The following CCDC85A variants were observed in gnomAD, a reference collection of about 807,000 sequenced individuals.
The protein encoded by CCDC85A is coiled-coil domain containing 85A, also known as coiled-coil domain-containing protein 85A.
Under a neutral mutation model 50.2 loss-of-function variants are expected in CCDC85A, and 38 were observed. The ratio of observed to expected loss-of-function variants is 0.76; its 90% CI spans 0.58 to 0.99. The LOEUF (loss-of-function observed/expected upper bound fraction) is 0.99, where lower values mean the gene tolerates loss of function less well. Ranked by LOEUF, CCDC85A falls within the 50% of genes least tolerant of loss-of-function variation. The probability of loss-of-function intolerance (pLI) is 0.00; values close to 1 mark genes in which losing one functional copy is unlikely to be tolerated. For synonymous variants in CCDC85A, 366 were observed against 301.4 expected, an observed-to-expected ratio of 1.21 and a Z score of -2.22; for missense variants, 820 against 742.0, an observed-to-expected ratio of 1.11 and a Z score of -1.22.
chr2:56,257,730 T>C (rs140656892), intron 2 of CCDC85A, among the ~76,000 whole-genome samples: 2 of 152,236 alleles, frequency 1.3e-5, no homozygotes, highest in East Asian at 3.9e-4. Flanking sequence ...AGAGAACAGA[T>C]ACTGAAGGCA....
chr2:56,216,662 A>G (rs140589582), intron 2 of CCDC85A, among the ~76,000 whole-genome samples: 136 of 148,108 alleles, frequency 9.2e-4, no homozygotes, highest in African/African-American at 2.9e-3. Context: ...TCTCCTTCTA[A>G]TATGTTTTTC....
chr2:56,268,425 C>T (rs150555282), intron 2 of CCDC85A, among the ~76,000 whole-genome samples: 1 of 151,838 alleles, frequency 6.6e-6, no homozygotes, highest in African/African-American at 2.4e-5. Flanking sequence ...GAAACCCTGT[C>T]TCTACTAAAA....
chr2:56,298,575 G>A (rs1318785414), intron 2 of CCDC85A, among the ~76,000 whole-genome samples: 1 of 152,152 alleles, frequency 6.6e-6, no homozygotes, highest in African/African-American at 2.4e-5. Flanking sequence ...TGCATTTCCT[G>A]AGGATTTGAT....
intron 5 of CCDC85A, among the ~76,000 whole-genome samples, chr2:56,376,591 T>C (rs530302605): frequency 1.3e-5 from 2 of 152,242 alleles, no homozygotes; most frequent in African/African-American, 4.8e-5. Context: ...AGCTTTCCAA[T>C]AAGTAAAACT....
chr2:56,382,399 A>T (rs1287328542), intron 5 of CCDC85A, among the ~76,000 whole-genome samples: 1 of 152,018 alleles, frequency 6.6e-6, no homozygotes, highest in African/African-American at 2.4e-5. Context: ...CTACACAGCG[A>T]AAAGGTTATT....
intron 2 of CCDC85A, among the ~76,000 whole-genome samples, chr2:56,278,332 A>G (rs1336846226): frequency 1.3e-5 from 2 of 151,702 alleles, no homozygotes; most frequent in Non-Finnish European, 2.9e-5. Context: ...GGTTTTATTT[A>G]TTCTTCATTA....
chr2:56,250,882 C>CT (rs961261413), intron 2 of CCDC85A, among the ~76,000 whole-genome samples: 6 of 152,194 alleles, frequency 3.9e-5, no homozygotes, highest in Non-Finnish European at 7.4e-5. Context: ...TAAATGTCAT[C>CT]TTTTTTTTCT....
chr2:56,358,774 T>A (rs7602650), intron 3 of CCDC85A, among the ~76,000 whole-genome samples: 135,012 of 151,712 alleles, frequency 0.89, 60,177 homozygotes, highest in East Asian at 0.97. Context: ...CTCTTATATT[T>A]TTGTCTTTTT....
At chr2:56,314,708 C>T (rs1257305321) in intron 2 of CCDC85A, among the ~76,000 whole-genome samples, 1 of 152,182 alleles carries the variant, frequency 6.6e-6, no homozygotes, top group Non-Finnish European at 1.5e-5. Context: ...TCACTGATTT[C>T]TCAGATGCCT....
intron 2 of CCDC85A, among the ~76,000 whole-genome samples, chr2:56,307,267 TGATA>T (rs1186080268): frequency 6.6e-6 from 1 of 152,148 alleles, no homozygotes; most frequent in East Asian, 1.9e-4. Context: ...AAGAAAAAAA[TGATA>T]GATAAAGTTT....
rs149894694 is a variant in CCDC85A at position 56,205,828 on chromosome 2, A to C, written c.1240+12388A>C. ...GAGGTGTTCATGGTCTGACATGTCC[A>C]TGGAAGGAGGTAAGTAACAATAAAG... On this transcript the variant is annotated intron_variant, in intron 2 of 5. Transcript: ENST00000407595. 4.6e-5 allele frequency among the ~76,000 whole-genome samples: 7 copies of C among 152,168 alleles called. No homozygotes were observed. The South Asian group carries it at 6.2e-4, about 13-fold the overall frequency.
At chr2:56,206,583 AC>A (rs946379431) in intron 2 of CCDC85A, among the ~76,000 whole-genome samples, 1 of 152,136 alleles carries the variant, frequency 6.6e-6, no homozygotes, top group Admixed American at 6.5e-5. Flanking sequence ...TAACAGGCCC[AC>A]TATCTTGATA....
intron 2 of CCDC85A, among the ~76,000 whole-genome samples, chr2:56,277,168 T>G (rs776248401): frequency 1.3e-5 from 2 of 152,164 alleles, no homozygotes; most frequent in Non-Finnish European, 2.9e-5. Context: ...GGGTACCAAG[T>G]TGCCAACTTC....
intron 2 of CCDC85A, among the ~76,000 whole-genome samples, chr2:56,205,673 A>G (rs1375757285): frequency 6.6e-6 from 1 of 152,184 alleles, no homozygotes; most frequent in Non-Finnish European, 1.5e-5. Context: ...TTCGTATTTC[A>G]TTTGCTTTGT....
intron 2 of CCDC85A, among the ~76,000 whole-genome samples, chr2:56,320,328 C>CA (rs537527004): frequency 5.3e-5 from 8 of 149,880 alleles, no homozygotes; most frequent in African/African-American, 7.4e-5. Flanking sequence ...AAAAACCCTT[C>CA]AAAAAAATCA....
intron 2 of CCDC85A, among the ~76,000 whole-genome samples, chr2:56,289,477 G>A (rs1407458519): frequency 6.6e-6 from 1 of 152,150 alleles, no homozygotes; most frequent in Admixed American, 6.5e-5. Context: ...GGCAAAGGGG[G>A]TGATATGGGT....
At chr2:56,305,362 A>G (rs1672396763) in intron 2 of CCDC85A, among the ~76,000 whole-genome samples, 1 of 152,238 alleles carries the variant, frequency 6.6e-6, no homozygotes, top group Non-Finnish European at 1.5e-5. Flanking sequence ...ACTGATGAGT[A>G]CAATGAAGCA....
intron 2 of CCDC85A, among the ~76,000 whole-genome samples, chr2:56,342,048 G>GTAA (rs1674398914): frequency 6.6e-6 from 1 of 151,518 alleles, no homozygotes; most frequent in East Asian, 1.9e-4. Flanking sequence ...TTACAAAATA[G>GTAA]TCTTGTATAT....
At chr2:56,211,738 C>T (rs1189277353) in intron 2 of CCDC85A, among the ~76,000 whole-genome samples, 1 of 151,978 alleles carries the variant, frequency 6.6e-6, no homozygotes, top group Non-Finnish European at 1.5e-5. Flanking sequence ...TTCCAAAATA[C>T]TCCTTCTATG....
Sources: allele counts gnomAD v4.1 joint callset (sites outside exome capture counted in the v4.1 genomes callset), GRCh38; gene constraint gnomAD v4.1.1; transcripts MANE v1.5; gene names NCBI Gene and HGNC (gene_info 2026-07-23, HGNC 2026-07-21).